MPRIP: variants seen among roughly 807,000 people sequenced by gnomAD.
MPRIP encodes myosin phosphatase Rho-interacting protein.
A neutral mutation model predicts 234.9 loss-of-function variants in MPRIP; 59 were observed. The observed-to-expected ratio is 0.25, with a 90% CI of 0.20 to 0.31. MPRIP has a LOEUF of 0.31. Among genes scored for constraint, MPRIP ranks in the 10% least tolerant of loss-of-function variants. MPRIP has a pLI of 1.00. For missense variants in MPRIP, 2,436 were observed against 3,071.0 expected, an observed-to-expected ratio of 0.79 and a Z score of 4.89; for synonymous variants, 1,144 against 1,263.9, an observed-to-expected ratio of 0.91 and a Z score of 2.01.
At chr17:17,179,905 A>C (rs941345695) in intron 22 of MPRIP, 98 bp from the exon 23 acceptor site, 183 of 940,920 alleles carry the variant, frequency 1.9e-4, no homozygotes, top group Non-Finnish European at 2.3e-5. Flanking sequence ...AGTATGCTGC[A>C]GTAGGAAGCT....
intron 1 of MPRIP, among the ~76,000 whole-genome samples, chr17:17,043,934 A>G (rs2088263449): frequency 6.6e-6 from 1 of 152,190 alleles, no homozygotes; most frequent in South Asian, 2.1e-4. Flanking sequence ...TTCACATTCC[A>G]GTCCAGTGTG....
chr17:17,046,699 A>G (rs1319719988), intron 1 of MPRIP, among the ~76,000 whole-genome samples: 2 of 152,150 alleles, frequency 1.3e-5, no homozygotes, highest in South Asian at 2.1e-4. Context: ...GGAGCTTTCT[A>G]TAAGTGCTTT....
intron 1 of MPRIP, among the ~76,000 whole-genome samples, chr17:17,056,121 C>T (rs144973212): frequency 9.8e-4 from 149 of 152,282 alleles, no homozygotes; most frequent in African/African-American, 2.9e-3. Context: ...TGTCCAGGAG[C>T]GGGGCTGACC....
intron 1 of MPRIP, among the ~76,000 whole-genome samples, chr17:17,064,881 A>C (rs1411118180): frequency 6.6e-6 from 1 of 152,220 alleles, no homozygotes; most frequent in Non-Finnish European, 1.5e-5. Flanking sequence ...CCAGGAGTGC[A>C]GTTCCTAGGT....
At chr17:17,097,157 A>C (rs781544309) in intron 3 of MPRIP, 2 of 201,112 alleles carry the variant, frequency 9.9e-6, no homozygotes, top group Non-Finnish European at 2.1e-5. Context: ...AAGTAAAATC[A>C]GTTCATGGTG....
chr17:17,140,620 C>A (rs942198638), intron 7 of MPRIP, among the ~76,000 whole-genome samples: 5 of 152,162 alleles, frequency 3.3e-5, no homozygotes, highest in Non-Finnish European at 7.4e-5. Flanking sequence ...TGCCCAGGAG[C>A]CAGACTGCTG....
intron 14 of MPRIP, among the ~76,000 whole-genome samples, chr17:17,160,665 A>G (rs547712544): frequency 6.6e-6 from 1 of 152,368 alleles, no homozygotes; most frequent in Admixed American, 6.5e-5. Context: ...TTTTGCAAAC[A>G]GAACTTTGTG....
intron 20 of MPRIP, among the ~76,000 whole-genome samples, chr17:17,175,666 C>T (rs2046239634): frequency 6.6e-6 from 1 of 152,224 alleles, no homozygotes; most frequent in Non-Finnish European, 1.5e-5. Context: ...CCACCCACTC[C>T]CCTCCATTTC....
intron 1 of MPRIP, among the ~76,000 whole-genome samples, chr17:17,045,179 C>G (rs1415567425): frequency 6.6e-6 from 1 of 152,204 alleles, no homozygotes; most frequent in African/African-American, 2.4e-5. Flanking sequence ...ACATCAGCCA[C>G]CATCGAGGCC....
intron 3 of MPRIP, among the ~76,000 whole-genome samples, chr17:17,125,746 A>T (rs1261658840): frequency 6.6e-6 from 1 of 152,200 alleles, no homozygotes; most frequent in Non-Finnish European, 1.5e-5. Context: ...AAGGCAGCCC[A>T]ACTGCAGGCC....
At chr17:17,154,823 CCTT>C (rs1248848404) in intron 13 of MPRIP, among the ~76,000 whole-genome samples, 2 of 151,722 alleles carry the variant, frequency 1.3e-5, no homozygotes, top group Admixed American at 1.3e-4. Context: ...TTTGTCTTGG[CCTT>C]CTTTTCACCT....
chr17:17,080,033 C>G (rs895354008), intron 3 of MPRIP, among the ~76,000 whole-genome samples: 7 of 152,184 alleles, frequency 4.6e-5, no homozygotes, highest in African/African-American at 1.7e-4. Flanking sequence ...CCAGGGAAAA[C>G]TTGGACTGAG....
Position 17,126,725 on chromosome 17 carries a change from C to T in MPRIP, c.291C>T (p.Thr97=). Residue 97 remains threonine, a synonymous_variant, in exon 4 of 24, where the codon ACC becomes ACT. Transcript: ENST00000651222. The part of the protein sequence containing the change: ...DEMPTTLPQG[T]INMNQCTDVV... ...AGCCCACGACCCTTCCTCAGGGCAC[C>T]ATCAACATGAACCAGTGCACAGATG... 3 of 1,613,510 alleles carry T rather than the reference C, an allele frequency of 1.9e-6. No homozygotes were observed. The highest frequency in any genetic ancestry group is 2.5e-6 in the Non-Finnish European group (3 of 1,179,658).
intron 3 of MPRIP, among the ~76,000 whole-genome samples, chr17:17,111,225 CAAAAAAAAAAAAAAA>C (rs55714262): frequency 5.8e-5 from 5 of 86,560 alleles, no homozygotes; most frequent in African/African-American, 2.3e-4. Context: ...GGGGTAGTCC[CAAAAAAAAAAAAAAA>C]AAAAAAAAAA....
intron 3 of MPRIP, among the ~76,000 whole-genome samples, chr17:17,092,544 G>C (rs949032400): frequency 2.0e-5 from 3 of 152,136 alleles, no homozygotes; most frequent in Non-Finnish European, 4.4e-5. Flanking sequence ...ATTCCCGAAG[G>C]CTTCCCTCAT....
At chr17:17,103,943 C>T (rs1211311296) in intron 3 of MPRIP, among the ~76,000 whole-genome samples, 1 of 152,066 alleles carries the variant, frequency 6.6e-6, no homozygotes, top group Non-Finnish European at 1.5e-5. Context: ...GGTGTTTTCT[C>T]GGGAACAGTC....
intron 3 of MPRIP, among the ~76,000 whole-genome samples, chr17:17,109,723 T>C (rs562450672): frequency 6.6e-6 from 1 of 152,074 alleles, no homozygotes; most frequent in Admixed American, 6.5e-5. Flanking sequence ...CCAATAAAAG[T>C]AAACCAGGGC....
Position 17,042,716 on chromosome 17 carries a change from G to A in MPRIP, c.-133G>A, listed in dbSNP as rs1407785337. 3.2e-6 allele frequency: 3 copies of A among 935,276 alleles called. No individual in the cohort carries two copies. In the African/African-American group the frequency reaches 5.5e-5, roughly 17 times the overall value. 57.9% of individuals were successfully genotyped at this position (935,276 alleles called of 1,614,324 possible). On this transcript the variant is annotated 5_prime_UTR_variant, in exon 1 of 24. Coordinates refer to ENST00000651222, the MANE Select transcript of MPRIP (RefSeq NM_001364716.4). The stretch of plus-strand genomic sequence containing the variant: ...CGTGCAGCGAACCGCCCGCCGGGAA[G>A]GAGGCCGGGCCGGGCCTGCGGCGGG...
intron 1 of MPRIP, among the ~76,000 whole-genome samples, chr17:17,070,762 T>G (rs1434005632): frequency 1.3e-5 from 2 of 152,266 alleles, no homozygotes; most frequent in East Asian, 3.8e-4. Flanking sequence ...TTGGTTGTCT[T>G]TGTTCATTCA....
Sources: gnomAD v4.1 joint callset for allele counts (sites outside exome capture counted in the v4.1 genomes callset) on GRCh38, gnomAD v4.1.1 for gene constraint, MANE v1.5 for transcripts, NCBI Gene and HGNC (gene_info 2026-07-23, HGNC 2026-07-21) for gene names.